Variants in TRPM5 observed in about 807,000 individuals in gnomAD.
TRPM5 encodes transient receptor potential cation channel subfamily M member 5.
Under a neutral mutation model 124.9 loss-of-function variants are expected in TRPM5, and 121 were observed. The ratio of observed to expected loss-of-function variants is 0.97; its 90% confidence interval spans 0.84 to 1.13. The LOEUF (loss-of-function observed/expected upper bound fraction) is 1.13, where lower values mean the gene tolerates loss of function less well. Among genes scored for constraint, TRPM5 ranks in the 50% most tolerant of loss-of-function variants. The pLI is 0.00. For missense variants in TRPM5, 1,643 were observed against 1,589.1 expected, an observed-to-expected ratio of 1.03 and a Z score of -0.58; for synonymous variants, 781 against 700.5, an observed-to-expected ratio of 1.11 and a Z score of -1.81.
At chr11:2,421,381 G>A (rs1845770324) in intron 2 of TRPM5, among the ~76,000 whole-genome samples, 183 bp from the exon 8 acceptor site, 1 of 152,236 alleles carries the variant, frequency 6.6e-6, no homozygotes, top group Non-Finnish European at 1.5e-5. Flanking sequence ...ACCCACCCAA[G>A]GCTGCTCAGC....
At chr11:2,423,119 GCT>G (rs1845796295), upstream of TRPM5, 1 of 1,177,616 alleles carries the variant, frequency 8.5e-7, no homozygotes, top group African/African-American at 1.5e-5. Flanking sequence ...CAGGGGGCTG[GCT>G]CTGCTTTCCC....
At chr11:2,418,263 G>A (rs1189084505) in exon 6 of TRPM5, 2 of 1,583,292 alleles carry the variant, frequency 1.3e-6, no homozygotes, top group Non-Finnish European at 1.7e-6. Flanking sequence ...CCAGGAGGTG[G>A]GGCTGGTTCA....
At chr11:2,421,641 C>T (rs1384949834) in intron 2 of TRPM5, among the ~76,000 whole-genome samples, 5 of 152,214 alleles carry the variant, frequency 3.3e-5, no homozygotes, top group Non-Finnish European at 5.9e-5. Context: ...ACCTCAAGTC[C>T]TTTTCTCCTG....
chr11:2,427,832 C>T (rs200953876), upstream of TRPM5, among the ~76,000 whole-genome samples: 4 of 152,222 alleles, frequency 2.6e-5, no homozygotes, highest in Admixed American at 2.0e-4. Flanking sequence ...GAGCACACGT[C>T]TCATGCCGGG....
intron 6 of TRPM5, 72 bp downstream of exon 11, chr11:2,418,095 G>C (rs1463239736): frequency 1.4e-6 from 2 of 1,386,084 alleles, no homozygotes; most frequent in Non-Finnish European, 2.0e-6. Context: ...CTGCATTGCA[G>C]GAACTCTCCC....
At chr11:2,418,907 C>T (rs1278694864) in intron 4 of TRPM5, among the ~76,000 whole-genome samples, 2 of 152,236 alleles carry the variant, frequency 1.3e-5, no homozygotes, top group African/African-American at 4.8e-5. Context: ...TGCACGCGCT[C>T]ATGCTGAGCA....
At chr11:2,429,925 G>A in the TRPM5 span, among the ~76,000 whole-genome samples, 1 of 152,054 alleles carries the variant, frequency 6.6e-6, no homozygotes, top group African/African-American at 2.4e-5. This position sits in a 1 kb window ranked among gnomAD's most constrained non-coding sequence, Gnocchi z 8.4. Flanking sequence ...GGTTTTATAA[G>A]CATCTGGCAT....
chr11:2,431,618 A>G, the TRPM5 span, among the ~76,000 whole-genome samples: 5 of 152,026 alleles, frequency 3.3e-5, no homozygotes, highest in African/African-American at 1.2e-4. Context: ...TATTACCCTG[A>G]CAATAAAACC....
Position 2,417,713 on chromosome 11 carries a change from C to CCCCCCCCCCCCCCA in TRPM5, c.1009+13_1009+14insTGGGGGGGGGGGGG. 6.8e-7 allele frequency: 1 copy of CCCCCCCCCCCCCCA among 1,467,344 alleles called. No homozygotes were observed. Among genetic ancestry groups the CCCCCCCCCCCCCCA allele is most frequent in the Non-Finnish European group, 9.4e-7 (1 of 1,066,004 alleles). 90.9% of individuals were successfully genotyped at this position (1,467,344 alleles called of 1,614,324 possible). On this transcript the variant is annotated intron_variant, in intron 7 of 23. Coordinates refer to ENST00000155858, the Ensembl canonical transcript of TRPM5. ...CCCAATGGCGCCTGCCTTGCCCACC[C>CCCCCCCCCCCCCCA]TGCCCGCCCTCACCTTTCACCAGCG...
chr11:2,412,205 A>G, exon 16 of TRPM5: 1 of 1,613,550 alleles, frequency 6.2e-7, no homozygotes, highest in Non-Finnish European at 8.5e-7. Context: ...TCCCCCACAT[A>G]CAGTGTGAAC....
rs1450079099 is a variant in TRPM5, at chr11:2,416,080, C to T, written c.1010-56G>A. On this transcript the variant is annotated intron_variant, in intron 7 of 23. Coordinates refer to ENST00000155858, the Ensembl canonical transcript of TRPM5. ...GGTGGAGCTGAGGGCCTCACAGAGC[C>T]GGGGCACAGGGTCCCCAAAGGTGCG... The T allele has an allele frequency of 5.1e-6, 7 of 1,374,658 alleles. No individual in the cohort carries two copies. In the East Asian group the frequency reaches 7.1e-5, roughly 14 times the overall value. The allele number at this position is 1,374,658 out of a possible 1,614,324, so 85.2% of individuals were successfully genotyped here.
chr11:2,418,671 A>AT, intron 4 of TRPM5, 80 bp from the exon 10 acceptor site: 2 of 1,427,678 alleles, frequency 1.4e-6, no homozygotes, highest in Admixed American at 2.2e-5. Context: ...AGGCCACCAC[A>AT]TTTTCTGGCC....
the TRPM5 span, among the ~76,000 whole-genome samples, chr11:2,438,864 A>G: frequency 6.6e-6 from 1 of 152,222 alleles, no homozygotes; most frequent in Non-Finnish European, 1.5e-5. The surrounding 1 kb of genome is among the most constrained non-coding windows in gnomAD (Gnocchi z 5.9). Flanking sequence ...GAGCCAGAAT[A>G]GCCAAGGCAA....
the TRPM5 span, among the ~76,000 whole-genome samples, chr11:2,430,746 T>TGGTGTTGA: frequency 5.5e-4 from 57 of 103,498 alleles, 2 homozygotes; most frequent in African/African-American, 2.0e-3. Context: ...GGTGATGGTG[T>TGGTGTTGA]TGGTGGTGGT....
At chr11:2,406,880 C>G (rs568251539) in intron 20 of TRPM5, 87 bp from the exon 26 acceptor site, 1 of 1,525,546 alleles carries the variant, frequency 6.6e-7, no homozygotes, top group Admixed American at 2.0e-5. Flanking sequence ...CGAGGTGGGC[C>G]AGGCAGAAGG....
chr11:2,406,033 A>G (rs911762642), exon 22 of TRPM5: 6 of 1,611,848 alleles, frequency 3.7e-6, no homozygotes, highest in African/African-American at 1.3e-5. Flanking sequence ...GACTCCAGAC[A>G]CTTGATGCGC....
chr11:2,414,316 G>A (rs1200165476), intron 11 of TRPM5, 110 bp from the exon 17 acceptor site: 15 of 1,428,696 alleles, frequency 1.0e-5, no homozygotes, highest in African/African-American at 1.4e-5. Flanking sequence ...CGCACCCTGC[G>A]TTCAACACGC....
chr11:2,407,161 G>A (rs1311364151), exon 20 of TRPM5: 12 of 1,610,424 alleles, frequency 7.5e-6, no homozygotes, highest in Admixed American at 5.0e-5. Flanking sequence ...TTGAAGACCC[G>A]GCGGAGCGTC....
chr11:2,429,738 G>A, the TRPM5 span, among the ~76,000 whole-genome samples: 12 of 152,078 alleles, frequency 7.9e-5, no homozygotes, highest in South Asian at 2.5e-3. This position sits in a 1 kb window ranked among gnomAD's most constrained non-coding sequence, Gnocchi z 8.4. Flanking sequence ...TAGGATGATG[G>A]TGATGATGAT....
Sources: allele counts gnomAD v4.1 joint callset (sites outside exome capture counted in the v4.1 genomes callset), GRCh38; gene constraint gnomAD v4.1.1; non-coding constraint Gnocchi (gnomAD v3.1); transcripts MANE v1.5; gene names NCBI Gene and HGNC (gene_info 2026-07-23, HGNC 2026-07-21).